NCOR1: variants seen among roughly 807,000 people sequenced by gnomAD.
NCOR1 encodes the protein protein phosphatase 1, regulatory subunit 109.
A neutral mutation model predicts 288.1 loss-of-function variants in NCOR1; 63 were observed. The observed-to-expected ratio is 0.22, with a 90% confidence interval of 0.18 to 0.27. The LOEUF (loss-of-function observed/expected upper bound fraction) is 0.27, where lower values mean the gene tolerates loss of function less well. Among genes scored for constraint, NCOR1 ranks in the 10% least tolerant of loss-of-function variants. The pLI, the probability that NCOR1 is intolerant of heterozygous loss-of-function variation, is 1.00. For missense variants in NCOR1, 2,397 were observed against 3,019.2 expected, an observed-to-expected ratio of 0.79 and a Z score of 4.83; for synonymous variants, 1,007 against 1,065.9, an observed-to-expected ratio of 0.94 and a Z score of 1.08.
At position 16,207,640 on chromosome 17, in the gene NCOR1, C is replaced by T. The variant is rs1389025521; in HGVS notation, c.-71+7722G>A. ...CCTGTAGTCCCAGCTACTCTGGAGG[C>T]TGAGGCAGGAGAATGGTGTGAACCT... On this transcript the variant is annotated intron_variant, in intron 1 of 45. Coordinates refer to ENST00000268712, the MANE Select transcript of NCOR1 (RefSeq NM_006311.4). Among the ~76,000 whole-genome samples the T allele has an allele frequency of 2.0e-5, 3 of 150,524 alleles. No individual in the cohort carries two copies. In the Admixed American group the frequency reaches 2.0e-4, roughly 10 times the overall value.
chr17:16,147,362 T>C (rs965905274), intron 9 of NCOR1, among the ~76,000 whole-genome samples: 2 of 151,972 alleles, frequency 1.3e-5, no homozygotes, highest in African/African-American at 4.8e-5. Context: ...TGAGCCGAGA[T>C]CGCACCACTG....
intron 5 of NCOR1, among the ~76,000 whole-genome samples, chr17:16,159,649 C>T (rs1188668905): frequency 1.3e-5 from 2 of 152,034 alleles, no homozygotes; most frequent in African/African-American, 2.4e-5. Flanking sequence ...CCATGCCACC[C>T]TCAACACCCA....
chr17:16,068,715 A>ATT (rs11438641), intron 31 of NCOR1, among the ~76,000 whole-genome samples: 2,118 of 135,236 alleles, frequency 0.016, 61 homozygotes, highest in African/African-American at 0.047. Flanking sequence ...ATCATCCTCA[A>ATT]TTTTTTTTTT....
intron 3 of NCOR1, among the ~76,000 whole-genome samples, chr17:16,181,200 CATAT>C (rs556004926): frequency 0.044 from 3,350 of 75,642 alleles, 58 homozygotes; most frequent in East Asian, 0.13. Flanking sequence ...TGTGTGTATA[CATAT>C]ATATGTATGT....
intron 11 of NCOR1, among the ~76,000 whole-genome samples, chr17:16,142,322 A>T (rs2077273200): frequency 6.6e-6 from 1 of 152,346 alleles, no homozygotes; most frequent in South Asian, 2.1e-4. Flanking sequence ...CTGTATATTT[A>T]AGTCTACTTA....
At chr17:16,077,946 C>A (rs529605234) in intron 26 of NCOR1, among the ~76,000 whole-genome samples, 1 of 152,230 alleles carries the variant, frequency 6.6e-6, no homozygotes, top group Admixed American at 6.5e-5. Flanking sequence ...AAATAACTTT[C>A]AAATATCAAA....
At chr17:16,110,047 C>A (rs536684960) in intron 18 of NCOR1, among the ~76,000 whole-genome samples, 2 of 152,148 alleles carry the variant, frequency 1.3e-5, no homozygotes, top group Non-Finnish European at 2.9e-5. Context: ...CACTCAATTT[C>A]TTTTACTATA....
intron 3 of NCOR1, among the ~76,000 whole-genome samples, chr17:16,172,592 A>G (rs2083332016): frequency 6.6e-6 from 1 of 152,366 alleles, no homozygotes; most frequent in South Asian, 2.1e-4. Flanking sequence ...CTACAAAGAA[A>G]GAGAAATGAC....
chr17:16,139,266 T>G, intron 11 of NCOR1, 80 bp from the exon 12 acceptor site: 1 of 1,208,866 alleles, frequency 8.3e-7, no homozygotes, highest in Non-Finnish European at 1.2e-6. Flanking sequence ...GCTCTTAATG[T>G]GCACTAAAAA....
intron 3 of NCOR1, among the ~76,000 whole-genome samples, chr17:16,184,578 G>A (rs1371267371): frequency 6.6e-6 from 1 of 152,004 alleles, no homozygotes; most frequent in Non-Finnish European, 1.5e-5. Flanking sequence ...TATTAATGAG[G>A]GCATGAAGAA....
chr17:16,209,336 C>A (rs921965988), intron 1 of NCOR1, among the ~76,000 whole-genome samples: 24 of 151,834 alleles, frequency 1.6e-4, no homozygotes, highest in African/African-American at 3.6e-4. Context: ...TAATGCAACA[C>A]AAAATAGCCC....
chr17:16,072,765 C>T (rs1487609192), intron 28 of NCOR1, among the ~76,000 whole-genome samples: 3 of 152,158 alleles, frequency 2.0e-5, no homozygotes, highest in Admixed American at 6.5e-5. Flanking sequence ...GAGAAAAATA[C>T]AGCTCTTAGA....
intron 4 of NCOR1, 27 bp from the exon 5 acceptor site, chr17:16,165,188 A>C: frequency 1.9e-6 from 3 of 1,564,934 alleles, no homozygotes; most frequent in Non-Finnish European, 2.6e-6. Context: ...CAAGAAAAAC[A>C]ATTTATTTCT....
At chr17:16,131,381 C>T (rs2075612985) in intron 14 of NCOR1, among the ~76,000 whole-genome samples, 1 of 151,964 alleles carries the variant, frequency 6.6e-6, no homozygotes, top group Non-Finnish European at 1.5e-5. Flanking sequence ...TATGGGTCCC[C>T]TTTGGCAAGA....
chr17:16,140,898 G>A, intron 11 of NCOR1, among the ~76,000 whole-genome samples: 1 of 151,832 alleles, frequency 6.6e-6, no homozygotes, highest in East Asian at 1.9e-4. Flanking sequence ...GACTGAGGTG[G>A]GAGGATCACT....
At chr17:16,091,810 T>C in intron 22 of NCOR1, 53 bp downstream of exon 22, 1 of 1,610,858 alleles carries the variant, frequency 6.2e-7, no homozygotes, top group Non-Finnish European at 8.5e-7. Flanking sequence ...CTTTTGGGTT[T>C]AGCTTTATTT....
At position 16,155,654 on chromosome 17, in the gene NCOR1, C is replaced by T. The variant is rs191709894; in HGVS notation, c.733-2259G>A. Among the ~76,000 whole-genome samples the T allele has an allele frequency of 7.9e-5, 12 of 152,254 alleles. No homozygotes were observed. In the East Asian group the frequency reaches 2.1e-3, roughly 27 times the overall value. On this transcript the variant is annotated intron_variant, in intron 6 of 45. Coordinates refer to ENST00000268712, the MANE Select transcript of NCOR1 (RefSeq NM_006311.4). ...TGGGGCAGTTTTTTTCCTCCCACTACCTTTCTAAATAAAAGAAATGGTCCC... is the reference window on the plus strand; with the variant it reads ...TGGGGCAGTTTTTTTCCTCCCACTATCTTTCTAAATAAAAGAAATGGTCCC...
chr17:16,115,332 A>G lies in NCOR1; in HGVS notation c.2055+2556T>C, dbSNP rs118002145. The stretch of plus-strand genomic sequence containing the variant: ...CATAAAGACCTCTGACATGCTGTGA[A>G]GAAATTTTCCCCATTGTCTTGGAAC... On this transcript the variant is annotated intron_variant, in intron 18 of 45. Coordinates refer to ENST00000268712, the MANE Select transcript of NCOR1 (RefSeq NM_006311.4). 2.0e-4 allele frequency among the ~76,000 whole-genome samples: 31 copies of G among 152,340 alleles called. No individual in the cohort carries two copies. The East Asian group carries it at 5.8e-3, about 28-fold the overall frequency.
intron 9 of NCOR1, among the ~76,000 whole-genome samples, chr17:16,148,495 G>C (rs1054832182): frequency 6.6e-6 from 1 of 151,904 alleles, no homozygotes; most frequent in African/African-American, 2.4e-5. Context: ...ATATGGGACA[G>C]AGTACACAGC....
Sources: allele counts gnomAD v4.1 joint callset (sites outside exome capture counted in the v4.1 genomes callset), GRCh38; gene constraint gnomAD v4.1.1; transcripts MANE v1.5; gene names NCBI Gene and HGNC (gene_info 2026-07-23, HGNC 2026-07-21).